RIMBP2: variants seen among roughly 807,000 people sequenced by gnomAD.
The protein encoded by RIMBP2 is RIMS-binding protein 2.
RIMBP2 carries 48 observed loss-of-function variants against 118.6 expected under a neutral mutation model. The ratio of observed to expected loss-of-function variants is 0.40; its 90% CI spans 0.32 to 0.51. The LOEUF is 0.51. Among genes scored for constraint, RIMBP2 ranks in the 20% least tolerant of loss-of-function variants. The probability of loss-of-function intolerance (pLI) is 0.41; values close to 1 mark genes in which losing one functional copy is unlikely to be tolerated. For synonymous variants in RIMBP2, 762 were observed against 742.9 expected, an observed-to-expected ratio of 1.03 and a Z score of -0.42; for missense variants, 1,551 against 1,768.3, an observed-to-expected ratio of 0.88 and a Z score of 2.20.
Position 130,650,523 on chromosome 12 carries a change from G to A in RIMBP2, c.-351-22067C>T, listed in dbSNP as rs566377879. Among the ~76,000 whole-genome samples the A allele has an allele frequency of 1.3e-4, 20 of 152,384 alleles. No individual in the cohort carries two copies. In the South Asian group the frequency reaches 4.1e-3, roughly 32 times the overall value. On this transcript the variant is annotated intron_variant, in intron 1 of 22. Transcript: ENST00000690449. ...GGGCGTGACCCAGTCACAGGGGCCTGCCCACCTGGGGGCTCCGTGTCCCCT... is the reference window on the plus strand; with the variant it reads ...GGGCGTGACCCAGTCACAGGGGCCTACCCACCTGGGGGCTCCGTGTCCCCT...
rs546398041 is a variant in RIMBP2 at position 130,568,619 on chromosome 12, C to T, written c.-216-50702G>A. 3.3e-5 allele frequency among the ~76,000 whole-genome samples: 5 copies of T among 152,346 alleles called. No individual in the cohort carries two copies. The East Asian group carries it at 9.6e-4, about 29-fold the overall frequency. On this transcript the variant is annotated intron_variant, in intron 2 of 22. Coordinates refer to ENST00000690449, the MANE Select transcript of RIMBP2 (RefSeq NM_001393629.1). ...ACTCCAGTGGCAATGAAAGTCTCTG[C>T]CAGATGAACAGCCCCTTTGCCAACT...
rs921736384 is a variant in RIMBP2 at position 130,479,939 on chromosome 12, A to G, written c.-3-923T>C. On this transcript the variant is annotated intron_variant, in intron 4 of 22. Coordinates refer to ENST00000690449, the MANE Select transcript of RIMBP2 (RefSeq NM_001393629.1). Reference sequence around the variant, plus strand: ...CCCCTCTGACGGGTCTCACGAGCCCAGAGTCACCACTGGGACCCTGACAGT... The same window carrying G: ...CCCCTCTGACGGGTCTCACGAGCCCGGAGTCACCACTGGGACCCTGACAGT... Among the ~76,000 whole-genome samples the G allele has an allele frequency of 5.9e-5, 9 of 151,962 alleles. 1 individual carries two copies. The East Asian group carries it at 1.2e-3, about 20-fold the overall frequency.
At position 130,648,813 on chromosome 12, in the gene RIMBP2, C is replaced by G. The variant is rs540430991; in HGVS notation, c.-351-20357G>C. On this transcript the variant is annotated intron_variant, in intron 1 of 22. Transcript: ENST00000690449. ...CTGGGATTACAGGCCTGCACCACCACGCCCAGCTAATTTTGTATTTTTAGT... is the reference window on the plus strand; with the variant it reads ...CTGGGATTACAGGCCTGCACCACCAGGCCCAGCTAATTTTGTATTTTTAGT... Among the ~76,000 whole-genome samples, 9 of 144,932 alleles carry G rather than the reference C, an allele frequency of 6.2e-5. 1 individual carries two copies. The highest frequency in any genetic ancestry group is 1.4e-4 in the Non-Finnish European group (9 of 64,008).
At chr12:130,647,582 T>C (rs1186946953) in intron 1 of RIMBP2, among the ~76,000 whole-genome samples, 2 of 145,142 alleles carry the variant, frequency 1.4e-5, no homozygotes, top group African/African-American at 2.5e-5. Context: ...GTCTTTGTTC[T>C]AAATTTCTTC....
intron 17 of RIMBP2, among the ~76,000 whole-genome samples, chr12:130,421,689 A>ATATG (rs891582231): frequency 9.3e-6 from 1 of 106,954 alleles, no homozygotes; most frequent in Non-Finnish European, 1.7e-5. Flanking sequence ...CCCTGCATTT[A>ATATG]TATGTGTGTG....
intron 1 of RIMBP2, among the ~76,000 whole-genome samples, chr12:130,661,595 G>T (rs1465687613): frequency 6.6e-6 from 1 of 152,208 alleles, no homozygotes; most frequent in African/African-American, 2.4e-5. Context: ...GCTGTGGTGT[G>T]TGTAGCAGGC....
intron 5 of RIMBP2, 54 bp from the exon 6 acceptor site, chr12:130,470,797 C>CA: frequency 4.8e-6 from 5 of 1,034,586 alleles, no homozygotes; most frequent in Non-Finnish European, 6.2e-6. Flanking sequence ...GGAAAGAAGA[C>CA]AATCGGATCA....
Position 130,495,479 on chromosome 12 carries a change from C to T in RIMBP2, c.-4+11169G>A, listed in dbSNP as rs144137421. ...CAGGGTGCCCTGCGCTCCCCTCTCC[C>T]TCCAGGTCACCCTGGCTCATCACCG... is the stretch of plus-strand genomic sequence containing the variant. On this transcript the variant is annotated intron_variant, in intron 4 of 22. Coordinates refer to ENST00000690449, the MANE Select transcript of RIMBP2 (RefSeq NM_001393629.1). 1.3e-3 allele frequency among the ~76,000 whole-genome samples: 205 copies of T among 152,336 alleles called. 2 individuals are homozygous for T. Among genetic ancestry groups the T allele is most frequent in the African/African-American group, 4.6e-3 (192 of 41,582 alleles).
intron 2 of RIMBP2, among the ~76,000 whole-genome samples, chr12:130,551,775 C>T (rs2055812197): frequency 6.6e-6 from 1 of 152,210 alleles, no homozygotes; most frequent in Non-Finnish European, 1.5e-5. Context: ...TGCAAAGACC[C>T]AGAGCAAGCC....
At chr12:130,579,076 A>G (rs1446477271) in intron 2 of RIMBP2, among the ~76,000 whole-genome samples, 1 of 152,096 alleles carries the variant, frequency 6.6e-6, no homozygotes, top group Non-Finnish European at 1.5e-5. Flanking sequence ...GGGGTGGGGC[A>G]TCGTAGCCTG....
chr12:130,444,810 C>A (rs1266132187), intron 10 of RIMBP2, among the ~76,000 whole-genome samples: 1 of 152,182 alleles, frequency 6.6e-6, no homozygotes. Flanking sequence ...CTGGGAGACC[C>A]TGAGGGTGCT....
intron 1 of RIMBP2, among the ~76,000 whole-genome samples, chr12:130,656,658 C>T (rs1389463282): frequency 2.0e-5 from 3 of 152,160 alleles, no homozygotes; most frequent in Non-Finnish European, 4.4e-5. Flanking sequence ...CACCGTCTTC[C>T]CTCCACGTTT....
intron 2 of RIMBP2, among the ~76,000 whole-genome samples, chr12:130,619,871 C>A (rs1186268508): frequency 1.3e-5 from 2 of 152,146 alleles, no homozygotes; most frequent in Admixed American, 1.3e-4. Flanking sequence ...GACAGCCGGT[C>A]AAAACACGTA....
Position 130,710,314 on chromosome 12 carries a change from A to AT in RIMBP2, c.-352+5907_-352+5908insA, listed in dbSNP as rs1949818049. On this transcript the variant is annotated intron_variant, in intron 1 of 22. Transcript: ENST00000690449. This position sits in a 1 kb window ranked among gnomAD's most constrained non-coding sequence, Gnocchi z 4.3. ...TCCCTGAGACCCTCCCAGATCATCC[A>AT]GGTGCGGCCCCTGACATCAGCCATT... is the stretch of plus-strand genomic sequence containing the variant. Among the ~76,000 whole-genome samples the AT allele has an allele frequency of 6.6e-6, 1 of 152,026 alleles. No homozygotes were observed. Among genetic ancestry groups the AT allele is most frequent in the Non-Finnish European group, 1.5e-5 (1 of 67,998 alleles).
At chr12:130,671,616 G>T (rs1451152713) in intron 1 of RIMBP2, among the ~76,000 whole-genome samples, 1 of 152,088 alleles carries the variant, frequency 6.6e-6, no homozygotes, top group African/African-American at 2.4e-5. Flanking sequence ...GAAACTGTGG[G>T]CTGCCTCATC....
intron 2 of RIMBP2, among the ~76,000 whole-genome samples, chr12:130,624,875 A>G (rs1338995384): frequency 6.6e-6 from 1 of 151,672 alleles, no homozygotes; most frequent in African/African-American, 2.4e-5. Flanking sequence ...CAGGCACACG[A>G]CCCCACGCCC....
rs201154665 is a variant in RIMBP2, at chr12:130,434,815, C to G, written c.2172G>C (p.Glu724Asp). ...SAGQYAASDE[E>D]DAYDSPDFKR... ...TGAAGTCTGGAGAGTCATAGGCGTC[C>G]TCCTCGTCTGAGGCGGCGTACTGCC... The change falls in exon 14 of 23, where the codon GAG becomes GAC. Residue 724 changes from glutamate (E) to aspartate (D), a missense_variant. Around this residue, in one of 5 missense-constraint regions of RIMBP2, gnomAD observed 1,038 missense variants for 1,125.1 expected, o/e 0.92. Coordinates refer to ENST00000690449, the MANE Select transcript of RIMBP2 (RefSeq NM_001393629.1). This position sits in a 1 kb window ranked among gnomAD's most constrained non-coding sequence, Gnocchi z 5.7. 1 of 1,613,944 alleles carries G rather than the reference C, an allele frequency of 6.2e-7. No homozygotes were observed. Among genetic ancestry groups the G allele is most frequent in the East Asian group, 2.2e-5 (1 of 44,854 alleles).
rs1349771005 is a variant in RIMBP2 at position 130,670,163 on chromosome 12, C to T, written c.-351-41707G>A. Among the ~76,000 whole-genome samples, 1 of 152,010 alleles carries T rather than the reference C, an allele frequency of 6.6e-6. No individual in the cohort carries two copies. On this transcript the variant is annotated intron_variant, in intron 1 of 22. Transcript: ENST00000690449. The surrounding 1 kb of genome is among the most constrained non-coding windows in gnomAD (Gnocchi z 4.9). ...TGATGCTGCCAGGAGCCCAGGAATG[C>T]CTACGGTTGGGAGAGACAAGGAAGA...
intron 1 of RIMBP2, among the ~76,000 whole-genome samples, chr12:130,669,430 G>A (rs774355907): frequency 1.3e-5 from 2 of 152,134 alleles, no homozygotes; most frequent in Non-Finnish European, 2.9e-5. Context: ...TCCAGGGAGG[G>A]ACCAGGTGGG....
Sources: allele counts gnomAD v4.1 joint callset (sites outside exome capture counted in the v4.1 genomes callset), GRCh38; gene constraint gnomAD v4.1.1; regional missense constraint gnomAD v4.1.1; non-coding constraint Gnocchi (gnomAD v3.1); transcripts MANE v1.5; gene names NCBI Gene and HGNC (gene_info 2026-07-23, HGNC 2026-07-21).